Variants in AKAP19 observed in about 807,000 individuals in gnomAD.
The protein encoded by AKAP19 is A-kinase anchoring protein 19.
chr2:190,093,289 C>T, the AKAP19 span, among the ~76,000 whole-genome samples: 68 of 151,714 alleles, frequency 4.5e-4, no homozygotes, highest in Non-Finnish European at 6.9e-4. Flanking sequence ...AAAAATTAGC[C>T]GGGAGTGGTG....
At chr2:190,106,642 T>C in the AKAP19 span, among the ~76,000 whole-genome samples, 1 of 152,330 alleles carries the variant, frequency 6.6e-6, no homozygotes, top group Non-Finnish European at 1.5e-5. Context: ...TAGAGATTAA[T>C]TCTTGTCTGT....
At chr2:190,013,869 T>TA in the AKAP19 span, among the ~76,000 whole-genome samples, 25 of 152,092 alleles carry the variant, frequency 1.6e-4, no homozygotes, top group African/African-American at 3.6e-4. Flanking sequence ...GTTTATCTTG[T>TA]AAAAAAAACC....
chr2:189,950,058 C>T, the AKAP19 span, among the ~76,000 whole-genome samples: 3 of 101,284 alleles, frequency 3.0e-5, no homozygotes, highest in African/African-American at 3.9e-5. Context: ...GATGAAGTCT[C>T]GCTCTTGTCC....
chr2:190,148,267 A>T, the AKAP19 span, among the ~76,000 whole-genome samples: 1 of 152,156 alleles, frequency 6.6e-6, no homozygotes. Flanking sequence ...AGATGATCAT[A>T]TGATTTTTGT....
At chr2:189,902,338 T>G in the AKAP19 span, among the ~76,000 whole-genome samples, 1 of 152,004 alleles carries the variant, frequency 6.6e-6, no homozygotes. Flanking sequence ...TCCAATGTTA[T>G]AGTTTCTTAA....
chr2:190,047,951 G>A, the AKAP19 span, among the ~76,000 whole-genome samples: 2,217 of 152,246 alleles, frequency 0.015, 122 homozygotes, highest in East Asian at 0.18. Flanking sequence ...TGAGCTAAAT[G>A]TCCGACACCT....
chr2:190,060,097 C>T, the AKAP19 span: 1 of 1,612,708 alleles, frequency 6.2e-7, no homozygotes, highest in Non-Finnish European at 8.5e-7. Flanking sequence ...AAGGTTACAG[C>T]AAGATCATGA....
chr2:190,058,124 C>A, the AKAP19 span, among the ~76,000 whole-genome samples: 4 of 151,964 alleles, frequency 2.6e-5, no homozygotes, highest in Non-Finnish European at 5.9e-5. Flanking sequence ...AAAACTTGGA[C>A]AATAAAACCA....
chr2:190,077,498 A>G, the AKAP19 span, among the ~76,000 whole-genome samples: 9,751 of 152,094 alleles, frequency 0.064, 1,036 homozygotes, highest in African/African-American at 0.22. Context: ...AAATGTTAAA[A>G]TGTTAATGTT....
chr2:189,917,511 CTTTCTTT>C, the AKAP19 span: 2 of 623,582 alleles, frequency 3.2e-6, no homozygotes, highest in South Asian at 1.8e-5. Flanking sequence ...GGCTCTTCTG[CTTTCTTT>C]TTTCTTTTTT....
chr2:189,964,170 C>T, the AKAP19 span, among the ~76,000 whole-genome samples: 1 of 152,216 alleles, frequency 6.6e-6, no homozygotes, highest in East Asian at 1.9e-4. Flanking sequence ...GTGCCTTGTA[C>T]ATCTCCATCA....
chr2:190,147,919 G>A, the AKAP19 span, among the ~76,000 whole-genome samples: 1 of 152,032 alleles, frequency 6.6e-6, no homozygotes, highest in Non-Finnish European at 1.5e-5. Context: ...GAGTCCTTAG[G>A]GTTTTCAAGG....
the AKAP19 span, among the ~76,000 whole-genome samples, chr2:189,971,543 C>G: frequency 6.6e-5 from 10 of 152,208 alleles, no homozygotes; most frequent in African/African-American, 2.4e-4. Context: ...GTTCTAGATC[C>G]CTAAGAAATC....
the AKAP19 span, among the ~76,000 whole-genome samples, chr2:189,986,233 G>C: frequency 6.6e-6 from 1 of 152,052 alleles, no homozygotes; most frequent in African/African-American, 2.4e-5. Context: ...ATGTGAGTTG[G>C]AGTCATGTTT....
the AKAP19 span, among the ~76,000 whole-genome samples, chr2:189,890,613 T>G: frequency 4.6e-5 from 7 of 152,220 alleles, no homozygotes; most frequent in African/African-American, 7.2e-5. Flanking sequence ...CTGTATTGGG[T>G]GCATATATAT....
chr2:189,886,465 A>G, the AKAP19 span, among the ~76,000 whole-genome samples: 19 of 152,198 alleles, frequency 1.2e-4, no homozygotes, highest in Admixed American at 1.2e-3. Flanking sequence ...AACATCTATC[A>G]TAAACATCCT....
the AKAP19 span, among the ~76,000 whole-genome samples, chr2:190,011,832 G>A: frequency 0.6 from 91,584 of 151,634 alleles, 31,226 homozygotes; most frequent in South Asian, 0.78. Context: ...TGATTACTAT[G>A]GCTTTGCAAT....
chr2:189,982,908 G>C, the AKAP19 span, among the ~76,000 whole-genome samples: 2 of 152,084 alleles, frequency 1.3e-5, no homozygotes, highest in Non-Finnish European at 2.9e-5. Flanking sequence ...GAGGTCTCAG[G>C]AAGATTATGG....
chr2:190,009,398 T>C, the AKAP19 span, among the ~76,000 whole-genome samples: 1 of 152,168 alleles, frequency 6.6e-6, no homozygotes, highest in Non-Finnish European at 1.5e-5. Context: ...GGATTCAGGA[T>C]ATATATTTAA....
Sources: allele counts gnomAD v4.1 joint callset (sites outside exome capture counted in the v4.1 genomes callset), GRCh38; gene constraint gnomAD v4.1.1; transcripts MANE v1.5; gene names NCBI Gene and HGNC (gene_info 2026-07-23, HGNC 2026-07-21).